Variants in DICER1 observed in about 807,000 individuals in gnomAD.
DICER1 encodes dicer 1, ribonuclease III, also known as endoribonuclease Dicer.
DICER1 carries 43 observed loss-of-function variants against 194.1 expected under a neutral mutation model. The ratio of observed to expected loss-of-function variants is 0.22; its 90% CI spans 0.17 to 0.29. The LOEUF (loss-of-function observed/expected upper bound fraction) is 0.29. DICER1 is among the 10% of genes least tolerant of loss of function. The probability of loss-of-function intolerance (pLI) is 1.00; values close to 1 mark genes in which losing one functional copy is unlikely to be tolerated. For synonymous variants in DICER1, 832 were observed against 820.5 expected (o/e 1.01, Z -0.24); for missense variants, 1,608 against 2,317.0 (o/e 0.69, Z 6.28).
intron 5 of DICER1, 31 bp from the exon 6 acceptor site, chr14:95,129,663 A>G: frequency 1.9e-6 from 3 of 1,599,148 alleles, no homozygotes; most frequent in Non-Finnish European, 2.6e-6. Flanking sequence ...GACAGTAAAG[A>G]CTTCATTTTG....
intron 26 of DICER1, 161 bp downstream of exon 26, chr14:95,090,873 G>T: frequency 1.0e-6 from 1 of 964,144 alleles, no homozygotes; most frequent in Non-Finnish European, 1.6e-6. Flanking sequence ...CATAAAAACA[G>T]AAGGAAAAAA....
intron 26 of DICER1, 50 bp from the exon 27 acceptor site, chr14:95,090,713 CATT>C: frequency 1.2e-6 from 2 of 1,601,892 alleles, no homozygotes; most frequent in Non-Finnish European, 1.7e-6. Context: ...TATTTATTAT[CATT>C]GTCAATCAGC....
chr14:95,102,323 A>C (rs1890954065), intron 21 of DICER1, among the ~76,000 whole-genome samples: 3 of 152,122 alleles, frequency 2.0e-5, no homozygotes, highest in African/African-American at 7.2e-5. Flanking sequence ...AATCATTTTA[A>C]ACTACCACTT....
chr14:95,099,610 G>A (rs376097863), intron 22 of DICER1, among the ~76,000 whole-genome samples, 170 bp downstream of exon 22: 56 of 152,050 alleles, frequency 3.7e-4, no homozygotes, highest in African/African-American at 1.2e-3. Flanking sequence ...AAAAGACAGT[G>A]TAATTAAAGG....
chr14:95,152,480 T>C (rs1043641255), intron 1 of DICER1, among the ~76,000 whole-genome samples: 2 of 152,232 alleles, frequency 1.3e-5, no homozygotes, highest in African/African-American at 4.8e-5. Flanking sequence ...AAGCACCATG[T>C]CTGGTAATGA....
At chr14:95,103,290 CCACTTTCAGG>C in intron 21 of DICER1, 46 bp downstream of exon 21, 1 of 1,570,668 alleles carries the variant, frequency 6.4e-7, no homozygotes, top group Non-Finnish European at 8.8e-7. Context: ...ACACTGCAAA[CCACTTTCAGG>C]CACACTGAAT....
chr14:95,096,501 T>C lies in DICER1; in HGVS notation c.4419A>G (p.Ser1473=). The change falls in exon 23 of 27, where the codon TCA becomes TCG. Residue 1473 remains serine (S), a synonymous_variant. Transcript: ENST00000343455. ...FVKKISLSPF[S]TTDSAYEWKM... ...TCCATTCATATGCAGAATCAGTGGT[T>C]GAAAAAGGAGAAAGAGAGATTTTCT... The C allele has an allele frequency of 6.2e-7, 1 of 1,614,154 alleles. No individual in the cohort carries two copies. The highest frequency in any genetic ancestry group is 8.5e-7 in the Non-Finnish European group (1 of 1,179,990).
At chr14:95,134,722 G>A (rs952670771) in intron 1 of DICER1, among the ~76,000 whole-genome samples, 4 of 152,182 alleles carry the variant, frequency 2.6e-5, no homozygotes, top group Non-Finnish European at 5.9e-5. Flanking sequence ...TCTCAAGTAA[G>A]CAGTGCAGGG....
Position 95,089,776 on chromosome 14 carries a change from A to G in DICER1, c.*722T>C, listed in dbSNP as rs185629513. The G allele has an allele frequency of 4.7e-4, 109 of 232,352 alleles. No individual in the cohort carries two copies. Among genetic ancestry groups the G allele is most frequent in the African/African-American group, 2.3e-3 (106 of 45,400 alleles). 14.4% of individuals were successfully genotyped at this position (232,352 alleles called of 1,614,324 possible). A position where few individuals can be genotyped will look rare whatever the true frequency, so the allele number is the denominator to read the frequency against. ...TGCATAATAAAATGAAAGGAATGTAAAACAGTTTGTTCCAAAAAGATCAGA... is the reference window on the plus strand; with the variant it reads ...TGCATAATAAAATGAAAGGAATGTAGAACAGTTTGTTCCAAAAAGATCAGA... On this transcript the variant is annotated 3_prime_UTR_variant, in exon 27 of 27. Transcript: ENST00000343455.
At chr14:95,117,156 A>G (rs1892547111) in intron 9 of DICER1, among the ~76,000 whole-genome samples, 1 of 152,160 alleles carries the variant, frequency 6.6e-6, no homozygotes, top group African/African-American at 2.4e-5. Flanking sequence ...AAGACCTTAC[A>G]AGGCACAAAA....
intron 4 of DICER1, 84 bp from the exon 5 acceptor site, chr14:95,130,276 T>C: frequency 7.5e-7 from 1 of 1,340,920 alleles, no homozygotes; most frequent in South Asian, 1.2e-5. Context: ...AGAGCCATTG[T>C]ATCATAAGTG....
intron 21 of DICER1, among the ~76,000 whole-genome samples, chr14:95,101,108 T>C (rs1030201260): frequency 6.6e-6 from 1 of 152,054 alleles, no homozygotes; most frequent in Non-Finnish European, 1.5e-5. Flanking sequence ...GTCTCAAATA[T>C]GGGGCAAAAT....
chr14:95,091,303 C>T lies in DICER1; in HGVS notation c.5427G>A (p.Gly1809=), dbSNP rs1060504981. The change falls in exon 25 of 27, where the codon GGG becomes GGA. Residue 1809 remains glycine (G), a synonymous_variant. Coordinates refer to ENST00000343455, the MANE Select transcript of DICER1 (RefSeq NM_177438.3). ...CACCAGCAAGCGACTCAAAAATATC[C>T]CCCATGGCCTTTGGAACTTCAATAT... ...EEDIEVPKAM[G]DIFESLAGAI... 11 of 1,614,052 alleles carry T rather than the reference C, an allele frequency of 6.8e-6. No individual in the cohort carries two copies. Among genetic ancestry groups the T allele is most frequent in the Non-Finnish European group, 9.3e-6 (11 of 1,179,974 alleles).
chr14:95,104,044 T>A lies in DICER1; in HGVS notation c.3352A>T (p.Asn1118Tyr), dbSNP rs1595367595. 6.2e-7 allele frequency: 1 copy of A among 1,614,178 alleles called. No homozygotes were observed. The highest frequency in any genetic ancestry group is 8.5e-7 in the Non-Finnish European group (1 of 1,180,022). The change falls in exon 21 of 27, where the codon AAT becomes TAT. Residue 1118 changes from asparagine to tyrosine, a missense_variant. Around this residue, in one of 10 missense-constraint regions of DICER1, gnomAD observed 222 missense variants for 215.5 expected, o/e 1.03. Coordinates refer to ENST00000343455, the MANE Select transcript of DICER1 (RefSeq NM_177438.3). ...GTGCTGTGCTTACAGTAATTATCAT[T>A]TTCAGCTGAAGAGGAGTTAGAAATT... ...ISISNSSSAE[N>Y]DNYCKHSTIV...
chr14:95,124,770 T>G lies in DICER1; in HGVS notation c.904-102A>C, dbSNP rs1893264161. 4.0e-6 allele frequency: 4 copies of G among 998,528 alleles called. No individual in the cohort carries two copies. The highest frequency in any genetic ancestry group is 4.6e-6 in the Non-Finnish European group (3 of 652,870). The allele number at this position is 998,528 out of a possible 1,614,324, so 61.9% of individuals were successfully genotyped here. On this transcript the variant is annotated intron_variant, in intron 7 of 26. Transcript: ENST00000343455. The surrounding 1 kb of genome is among the most constrained non-coding windows in gnomAD (Gnocchi z 4.5). Reference sequence around the variant, plus strand: ...TTTCAGTTGTTCTCAAATGGCTCCTTAAATGTAACCCAGCCTTAGGTTAAG... The same window carrying G: ...TTTCAGTTGTTCTCAAATGGCTCCTGAAATGTAACCCAGCCTTAGGTTAAG...
At position 95,105,045 on chromosome 14, in the gene DICER1, C is replaced by T. The variant is rs2139984430; in HGVS notation, c.3269+26G>A. ...CAAACAGGATCTCATGATCTGTGTT[C>T]TTTCTGGCTGACTGCACAGGCATAC... On this transcript the variant is annotated intron_variant, in intron 20 of 26. Coordinates refer to ENST00000343455, the MANE Select transcript of DICER1 (RefSeq NM_177438.3). This position sits in a 1 kb window ranked among gnomAD's most constrained non-coding sequence, Gnocchi z 4.9. The T allele has an allele frequency of 6.2e-7, 1 of 1,610,644 alleles. No homozygotes were observed. Among genetic ancestry groups the T allele is most frequent in the Non-Finnish European group, 8.5e-7 (1 of 1,177,762 alleles).
At chr14:95,129,436 A>G (rs1307583174) in intron 6 of DICER1, 36 bp downstream of exon 6, 1 of 1,602,094 alleles carries the variant, frequency 6.2e-7, no homozygotes, top group Non-Finnish European at 8.5e-7. Context: ...GTTTTCAACT[A>G]ATCTCATTAA....
intron 1 of DICER1, among the ~76,000 whole-genome samples, chr14:95,146,462 T>C (rs1895141851): frequency 1.3e-5 from 2 of 152,164 alleles, no homozygotes; most frequent in Admixed American, 1.3e-4. Context: ...CCAGCCACAC[T>C]GGGGGAAAAA....
At chr14:95,132,874 AT>A (rs1456447134) in intron 2 of DICER1, among the ~76,000 whole-genome samples, 197 bp from the exon 3 acceptor site, 3 of 152,236 alleles carry the variant, frequency 2.0e-5, no homozygotes, top group Non-Finnish European at 4.4e-5. Flanking sequence ...ATACAGCTGT[AT>A]TGTGTAAATA....
Sources: gnomAD v4.1 joint callset for allele counts (sites outside exome capture counted in the v4.1 genomes callset) on GRCh38, gnomAD v4.1.1 for gene constraint, gnomAD v4.1.1 regional missense constraint, Gnocchi (gnomAD v3.1) non-coding constraint, MANE v1.5 for transcripts, NCBI Gene and HGNC (gene_info 2026-07-23, HGNC 2026-07-21) for gene names.